PDE1C: variants seen among roughly 807,000 people sequenced by gnomAD.
PDE1C encodes dual specificity calcium/calmodulin-dependent 3',5'-cyclic nucleotide phosphodiesterase 1C.
PDE1C carries 62 observed loss-of-function variants against 93.1 expected under a neutral mutation model. The observed-to-expected ratio is 0.67, with a 90% CI of 0.54 to 0.82. The LOEUF is 0.82. Ranked by LOEUF, PDE1C falls within the 40% of genes least tolerant of loss-of-function variation. The pLI is 0.00. For missense variants in PDE1C, 742 were observed against 884.6 expected (o/e 0.84, Z 2.04); for synonymous variants, 325 against 310.1 (o/e 1.05, Z -0.50).
At chr7:31,735,509 C>A in the PDE1C span, among the ~76,000 whole-genome samples, 1 of 152,068 alleles carries the variant, frequency 6.6e-6, no homozygotes, top group Admixed American at 6.5e-5. Flanking sequence ...CAGAAGGCAT[C>A]TATCCGCTGG....
the PDE1C span, among the ~76,000 whole-genome samples, chr7:31,630,445 G>C: frequency 6.6e-6 from 1 of 152,062 alleles, no homozygotes; most frequent in East Asian, 1.9e-4. Flanking sequence ...ACATCAGTAG[G>C]ATGACAAATA....
In PDE1C at chr7:32,310,379, C is replaced by A. The variant is rs183572510; in HGVS notation, c.311-100840G>T. Among the ~76,000 whole-genome samples the A allele has an allele frequency of 1.6e-3, 250 of 152,278 alleles. 2 individuals carry two copies. In the Middle Eastern group the frequency reaches 0.031, roughly 19 times the overall value. Reference sequence around the variant, plus strand: ...TTAGCAAGGATACCCAAGAAATGACCTCAGCTCTGCCACCAAGCAGACCTG... The same window carrying A: ...TTAGCAAGGATACCCAAGAAATGACATCAGCTCTGCCACCAAGCAGACCTG... On this transcript the variant is annotated intron_variant, in intron 1 of 1. Coordinates refer to the PDE1C transcript ENST00000672256.
intron 1 of PDE1C, among the ~76,000 whole-genome samples, chr7:32,247,725 T>C (rs1268341284): frequency 2.0e-5 from 3 of 152,198 alleles, no homozygotes; most frequent in Non-Finnish European, 4.4e-5. Flanking sequence ...GGCTTCGGTT[T>C]AGATGATTTT....
intron 1 of PDE1C, among the ~76,000 whole-genome samples, chr7:32,326,331 G>T (rs1182056054): frequency 6.6e-6 from 1 of 152,166 alleles, no homozygotes; most frequent in African/African-American, 2.4e-5. Flanking sequence ...CATATGGATG[G>T]TTTTTAAAGC....
At chr7:32,079,990 C>A (rs1796568046) in intron 3 of PDE1C, among the ~76,000 whole-genome samples, 1 of 152,086 alleles carries the variant, frequency 6.6e-6, no homozygotes. Flanking sequence ...GATCTAAGAC[C>A]TGAAGGAAAA....
At chr7:31,879,362 G>A (rs1222376350) in intron 3 of PDE1C, 184 bp from the exon 4 acceptor site, 7 of 570,778 alleles carry the variant, frequency 1.2e-5, no homozygotes, top group East Asian at 5.7e-5. Flanking sequence ...TGTGTTTCGC[G>A]ATGGTCTTGG....
intron 17 of PDE1C, among the ~76,000 whole-genome samples, chr7:31,766,774 G>A (rs902792672): frequency 1.3e-5 from 2 of 152,192 alleles, no homozygotes; most frequent in African/African-American, 2.4e-5. Flanking sequence ...AGCATTGTTT[G>A]TAATAGCAAA....
chr7:31,635,725 T>C, the PDE1C span, among the ~76,000 whole-genome samples: 28 of 151,488 alleles, frequency 1.8e-4, no homozygotes, highest in African/African-American at 6.3e-4. Context: ...GAGGTTTAAA[T>C]GAGAACACAT....
chr7:32,023,179 C>T (rs892164910), intron 2 of PDE1C, among the ~76,000 whole-genome samples: 3 of 151,890 alleles, frequency 2.0e-5, no homozygotes, highest in East Asian at 3.9e-4. Flanking sequence ...CTGGCAGAAA[C>T]GTTAACTCTA....
At chr7:31,683,577 C>G in the PDE1C span, among the ~76,000 whole-genome samples, 1 of 152,242 alleles carries the variant, frequency 6.6e-6, no homozygotes, top group East Asian at 1.9e-4. Context: ...ACAGCTCACT[C>G]TCCTCTCTAA....
At chr7:32,023,823 C>T (rs546221707) in intron 2 of PDE1C, among the ~76,000 whole-genome samples, 2 of 152,134 alleles carry the variant, frequency 1.3e-5, no homozygotes, top group East Asian at 3.9e-4. Context: ...AGTAGAGAGG[C>T]TGTTGATTGT....
intron 2 of PDE1C, among the ~76,000 whole-genome samples, chr7:31,996,459 A>G (rs949992821): frequency 3.9e-5 from 6 of 152,196 alleles, no homozygotes; most frequent in Admixed American, 3.9e-4. Flanking sequence ...GCAAAAGGGA[A>G]AGTGTCTTTT....
At chr7:31,820,312 T>A (rs1788802905) in intron 14 of PDE1C, among the ~76,000 whole-genome samples, 1 of 152,142 alleles carries the variant, frequency 6.6e-6, no homozygotes, top group Non-Finnish European at 1.5e-5. Context: ...TTATATATAT[T>A]TTTTATACTT....
At chr7:32,193,916 G>GTTTTT (rs1554283858) in intron 2 of PDE1C, among the ~76,000 whole-genome samples, 60 of 115,230 alleles carry the variant, frequency 5.2e-4, no homozygotes, top group Admixed American at 7.6e-4. Flanking sequence ...GTTTTGTTTT[G>GTTTTT]TTTTTTTTTT....
chr7:31,839,582 T>C (rs890141565), intron 9 of PDE1C, among the ~76,000 whole-genome samples: 1 of 152,214 alleles, frequency 6.6e-6, no homozygotes, highest in Non-Finnish European at 1.5e-5. Flanking sequence ...ATTTACTAGC[T>C]AACGGACATT....
At chr7:31,730,651 G>A in the PDE1C span, among the ~76,000 whole-genome samples, 1 of 152,148 alleles carries the variant, frequency 6.6e-6, no homozygotes, top group African/African-American at 2.4e-5. Context: ...ACTTTATTAG[G>A]TACTGCAGAT....
At chr7:32,254,493 T>C (rs1809640805) in intron 1 of PDE1C, among the ~76,000 whole-genome samples, 1 of 152,216 alleles carries the variant, frequency 6.6e-6, no homozygotes, top group South Asian at 2.1e-4. Context: ...CTTTAAAATG[T>C]AGCCAGAAAG....
At chr7:31,629,870 G>T in the PDE1C span, among the ~76,000 whole-genome samples, 1 of 152,170 alleles carries the variant, frequency 6.6e-6, no homozygotes, top group Non-Finnish European at 1.5e-5. Flanking sequence ...ATGTACACCA[G>T]CGTACTGAAT....
chr7:31,862,846 T>A (rs1794841751), intron 7 of PDE1C, among the ~76,000 whole-genome samples: 1 of 152,188 alleles, frequency 6.6e-6, no homozygotes, highest in Admixed American at 6.6e-5. Flanking sequence ...ATTGATATAT[T>A]TGCCTATTTT....
Sources: allele counts gnomAD v4.1 joint callset (sites outside exome capture counted in the v4.1 genomes callset), GRCh38; gene constraint gnomAD v4.1.1; transcripts MANE v1.5; gene names NCBI Gene and HGNC (gene_info 2026-07-23, HGNC 2026-07-21).